Variants in AK9 observed in about 807,000 individuals in gnomAD.
AK9 encodes the protein adenylate kinase domain containing 1.
Under a neutral mutation model 239.6 loss-of-function variants are expected in AK9, and 191 were observed. The observed-to-expected ratio is 0.80, with a 90% CI of 0.71 to 0.90. The LOEUF (loss-of-function observed/expected upper bound fraction) is 0.90. Ranked by LOEUF, AK9 falls within the 40% of genes least tolerant of loss-of-function variation. AK9 has a pLI of 0.00. For synonymous variants in AK9, 689 were observed against 721.0 expected (o/e 0.96, Z 0.71); for missense variants, 1,995 against 2,214.7 (o/e 0.90, Z 1.99).
chr6:109,528,586 C>T (rs758069219), intron 29 of AK9: 11 of 457,712 alleles, frequency 2.4e-5, no homozygotes, highest in African/African-American at 6.0e-5. Flanking sequence ...ACTTTGGCCC[C>T]GCTTCTGCAA....
intron 28 of AK9, among the ~76,000 whole-genome samples, chr6:109,531,509 T>C (rs1378134804): frequency 2.0e-5 from 3 of 152,140 alleles, no homozygotes; most frequent in Admixed American, 2.0e-4. Context: ...AGCCACTAGC[T>C]GTGTGTGGCT....
At chr6:109,665,930 T>C (rs962263054) in intron 5 of AK9, among the ~76,000 whole-genome samples, 2 of 152,238 alleles carry the variant, frequency 1.3e-5, no homozygotes, top group Non-Finnish European at 2.9e-5. Flanking sequence ...TGCCACTGCC[T>C]GGAGAGCTTG....
Position 109,573,436 on chromosome 6 carries a change from T to C in AK9, c.2344+6A>G. ...AATTAAGAACTTGCTATCAATAAAG[T>C]CTAACCTGCTTCAGGCTCAGTTTCA... On this transcript the variant is annotated splice_donor_region_variant and intron_variant, in intron 21 of 40. Transcript: ENST00000424296. 6.5e-7 allele frequency: 1 copy of C among 1,545,744 alleles called. No individual in the cohort carries two copies. Among genetic ancestry groups the C allele is most frequent in the Non-Finnish European group, 8.7e-7 (1 of 1,144,910 alleles).
intron 29 of AK9, among the ~76,000 whole-genome samples, chr6:109,518,292 G>C (rs1734820236): frequency 6.6e-6 from 1 of 152,064 alleles, no homozygotes; most frequent in African/African-American, 2.4e-5. Flanking sequence ...TTTTAAAGAA[G>C]TTTCAGATCA....
intron 17 of AK9, among the ~76,000 whole-genome samples, chr6:109,591,514 A>G (rs1018103639): frequency 2.0e-5 from 3 of 152,128 alleles, no homozygotes; most frequent in African/African-American, 4.8e-5. Flanking sequence ...TAGCCCATTT[A>G]TGTTTAATGT....
chr6:109,508,900 A>G (rs563445081), intron 33 of AK9, among the ~76,000 whole-genome samples: 1 of 152,328 alleles, frequency 6.6e-6, no homozygotes, highest in Admixed American at 6.5e-5. Context: ...AAGTCACATC[A>G]GCCTCCTTTG....
At position 109,637,596 on chromosome 6, in the gene AK9, T is replaced by TAATG. The variant is rs1334915183; in HGVS notation, c.933+3918_933+3921dup. ...ATATCCTATTTTGTTTTGTTTCACTTAATGACAGAGCCCTACCCTAGAAAT... is the reference window on the plus strand; with the variant it reads ...ATATCCTATTTTGTTTTGTTTCACTTAATGAATGACAGAGCCCTACCCTAGAAAT... On this transcript the variant is annotated intron_variant, in intron 10 of 40. Coordinates refer to ENST00000424296, the MANE Select transcript of AK9 (RefSeq NM_001145128.3). 2.6e-5 allele frequency among the ~76,000 whole-genome samples: 4 copies of TAATG among 152,332 alleles called. No homozygotes were observed. The East Asian group carries it at 5.8e-4, about 22-fold the overall frequency.
intron 17 of AK9, among the ~76,000 whole-genome samples, chr6:109,608,782 T>C (rs1180521248): frequency 6.6e-6 from 1 of 152,068 alleles, no homozygotes; most frequent in Non-Finnish European, 1.5e-5. Flanking sequence ...TAAAGATAAT[T>C]GCAAAATATT....
intron 27 of AK9, among the ~76,000 whole-genome samples, chr6:109,535,815 T>C (rs1781899234): frequency 6.6e-6 from 1 of 152,376 alleles, no homozygotes; most frequent in East Asian, 1.9e-4. Flanking sequence ...GTTTCAGCTT[T>C]CTACATATGG....
intron 29 of AK9, among the ~76,000 whole-genome samples, chr6:109,523,777 G>A (rs1298741476): frequency 6.6e-6 from 1 of 152,172 alleles, no homozygotes; most frequent in Non-Finnish European, 1.5e-5. Flanking sequence ...ACTCTGGCTA[G>A]CCTGTGAACC....
chr6:109,506,491 T>C lies in AK9; in HGVS notation c.4685A>G (p.Tyr1562Cys). ...CCTAATCTCACCAATATTTTTGCGA[T>C]ACTTTACATTATTGACAGCTACAAT... is the stretch of plus-strand genomic sequence containing the variant. ...AQIVAVNNVK[Y>C]RKNIGEIRQY... Residue 1562 changes from tyrosine (Y) to cysteine (C), a missense_variant, in exon 35 of 41, where the codon TAT (tyrosine) becomes TGT (cysteine). Coordinates refer to ENST00000424296, the MANE Select transcript of AK9 (RefSeq NM_001145128.3). 2 of 1,612,078 alleles carry C rather than the reference T, an allele frequency of 1.2e-6. No individual in the cohort carries two copies. The highest frequency in any genetic ancestry group is 1.7e-6 in the Non-Finnish European group (2 of 1,178,758).
chr6:109,580,878 C>T (rs1266971881), intron 19 of AK9, among the ~76,000 whole-genome samples: 2 of 150,230 alleles, frequency 1.3e-5, no homozygotes, highest in East Asian at 4.0e-4. Flanking sequence ...TTGTGCTTTG[C>T]TTCATTGCGC....
chr6:109,615,147 G>A (rs1038559468), intron 13 of AK9, among the ~76,000 whole-genome samples: 1 of 151,932 alleles, frequency 6.6e-6, no homozygotes, highest in African/African-American at 2.4e-5. Flanking sequence ...TCAGTCAAAC[G>A]TCCCCTCTTT....
At chr6:109,610,286 T>C (rs1027398430) in intron 17 of AK9, 79 bp downstream of exon 17, 3 of 1,458,284 alleles carry the variant, frequency 2.1e-6, no homozygotes, top group Admixed American at 4.4e-5. Context: ...GACTCTAAAA[T>C]AATTACACAC....
In AK9 at chr6:109,662,582, T is replaced by A; in HGVS notation, c.413A>T (p.Asn138Ile). 2 of 1,578,780 alleles carry A rather than the reference T, an allele frequency of 1.3e-6. No individual in the cohort carries two copies. Among genetic ancestry groups the A allele is most frequent in the Non-Finnish European group, 8.6e-7 (1 of 1,161,790 alleles). Reference protein sequence around the residue: ...LQQIELIKNLNLKPDVIINIK... With the variant: ...LQQIELIKNLILKPDVIINIK... The stretch of plus-strand genomic sequence containing the variant: ...ATTGATTATAACATCAGGTTTCAGG[T>A]TTAAGTTTTTAATTAATTCTATTTG... The change falls in exon 6 of 41, where the codon AAC (asparagine) becomes ATC (isoleucine). Residue 138 changes from asparagine (N) to isoleucine (I), a missense_variant. Physicochemically the swap from Asn to Ile is moderately radical, Grantham distance 149. This residue lies in a region of AK9 where 252 missense variants were observed against 246.4 expected (regional missense o/e 1.02). Coordinates refer to ENST00000424296, the MANE Select transcript of AK9 (RefSeq NM_001145128.3).
intron 17 of AK9, among the ~76,000 whole-genome samples, chr6:109,599,749 C>G (rs1230571512): frequency 6.6e-6 from 1 of 152,028 alleles, no homozygotes; most frequent in African/African-American, 2.4e-5. Context: ...CTTTTATTTC[C>G]TTGAGCAGTG....
chr6:109,546,779 C>A (rs1036579723), intron 25 of AK9, among the ~76,000 whole-genome samples: 1 of 152,136 alleles, frequency 6.6e-6, no homozygotes, highest in Non-Finnish European at 1.5e-5. Flanking sequence ...ATAGCTGCAG[C>A]CTCACACCAT....
intron 17 of AK9, among the ~76,000 whole-genome samples, chr6:109,596,633 A>G (rs1423735266): frequency 6.6e-6 from 1 of 152,204 alleles, no homozygotes; most frequent in Non-Finnish European, 1.5e-5. Context: ...GACAGGCATG[A>G]AGTGAAGAGA....
intron 17 of AK9, among the ~76,000 whole-genome samples, chr6:109,597,988 GCTTT>G (rs974794831): frequency 5.3e-5 from 8 of 151,972 alleles, no homozygotes; most frequent in Admixed American, 2.0e-4. Flanking sequence ...ATTCTCTACA[GCTTT>G]CTAAGAAATT....
Sources: allele counts gnomAD v4.1 joint callset (sites outside exome capture counted in the v4.1 genomes callset), GRCh38; gene constraint gnomAD v4.1.1; regional missense constraint gnomAD v4.1.1; transcripts MANE v1.5; gene names NCBI Gene and HGNC (gene_info 2026-07-23, HGNC 2026-07-21).